RNF185: variants seen among roughly 807,000 people sequenced by gnomAD.
RNF185 encodes the protein E3 ubiquitin-protein ligase RNF185.
In RNF185, 13 loss-of-function variants were observed where a neutral mutation model predicts 24.9. The ratio of observed to expected loss-of-function variants is 0.52; its 90% confidence interval spans 0.34 to 0.83. The LOEUF (loss-of-function observed/expected upper bound fraction) is 0.83. RNF185 is among the 40% of genes least tolerant of loss of function. The pLI is 0.01. For synonymous variants in RNF185, 79 were observed against 90.3 expected, an observed-to-expected ratio of 0.88 and a Z score of 0.71; for missense variants, 184 against 244.7, an observed-to-expected ratio of 0.75 and a Z score of 1.65.
chr22:31,194,699 G>A (rs2048188135), intron 3 of RNF185, among the ~76,000 whole-genome samples: 1 of 152,056 alleles, frequency 6.6e-6, no homozygotes, highest in Admixed American at 6.6e-5. Context: ...CTACACTCCA[G>A]CCTGGGTGAC....
At chr22:31,171,262 T>A (rs191546857) in intron 1 of RNF185, among the ~76,000 whole-genome samples, 2,528 of 151,962 alleles carry the variant, frequency 0.017, 63 homozygotes, top group African/African-American at 0.057. Flanking sequence ...CTCCGCCTCC[T>A]TGGGTCAAGT....
intron 5 of RNF185, among the ~76,000 whole-genome samples, chr22:31,198,704 CTTTTTTT>C (rs1196076379): frequency 1.4e-3 from 99 of 69,672 alleles, no homozygotes; most frequent in African/African-American, 3.6e-3. Flanking sequence ...CTGCCACTTT[CTTTTTTT>C]TTTTTTTTTT....
chr22:31,180,723 T>C (rs1363047343), intron 1 of RNF185, among the ~76,000 whole-genome samples: 1 of 152,158 alleles, frequency 6.6e-6, no homozygotes, highest in African/African-American at 2.4e-5. Flanking sequence ...TATTCATTAT[T>C]GTAACATATG....
chr22:31,160,540 T>C (rs2147910756), intron 1 of RNF185, among the ~76,000 whole-genome samples: 1 of 152,236 alleles, frequency 6.6e-6, no homozygotes, highest in Non-Finnish European at 1.5e-5. Flanking sequence ...TCCCACAAGC[T>C]CTCCTTTCGA....
intron 1 of RNF185, among the ~76,000 whole-genome samples, chr22:31,173,786 C>T (rs946487867): frequency 6.6e-6 from 1 of 152,110 alleles, no homozygotes; most frequent in Non-Finnish European, 1.5e-5. Flanking sequence ...ACAAGTGTCC[C>T]CTAATTTTAA....
chr22:31,180,414 G>A (rs974898118), intron 1 of RNF185, among the ~76,000 whole-genome samples: 3 of 150,664 alleles, frequency 2.0e-5, no homozygotes, highest in Non-Finnish European at 3.0e-5. Context: ...GCAGTGAGCC[G>A]AGATCACACC....
At chr22:31,193,070 T>C (rs4820042) in intron 3 of RNF185, among the ~76,000 whole-genome samples, 120,566 of 152,210 alleles carry the variant, frequency 0.79, 48,693 homozygotes, top group African/African-American at 0.95. Flanking sequence ...AAGGGGAAAA[T>C]TTTTTTGGTG....
In RNF185 at chr22:31,195,532, A is replaced by G. The variant is rs1341063179; in HGVS notation, c.259A>G (p.Lys87Glu). The change falls in exon 4 of 7, where the codon AAG (lysine) becomes GAG (glutamate). Residue 87 changes from lysine to glutamate, a missense_variant. Transcript: ENST00000326132. ...PVCKAGISRD[K>E]VIPLYGRGST... ...TTGCAAAGCTGGCATCAGCCGAGAC[A>G]AGGTCATCCCCCTCTATGGAAGGGG... is the stretch of plus-strand genomic sequence containing the variant. 2 of 1,611,710 alleles carry G rather than the reference A, an allele frequency of 1.2e-6. No homozygotes were observed. The highest frequency in any genetic ancestry group is 4.5e-5 in the East Asian group (2 of 44,774).
intron 2 of RNF185, among the ~76,000 whole-genome samples, chr22:31,189,751 G>GCCCACCACCA (rs1555882608): frequency 6.6e-6 from 1 of 151,366 alleles, no homozygotes; most frequent in South Asian, 2.1e-4. Context: ...GATTACAGGT[G>GCCCACCACCA]CACCCAGCTA....
chr22:31,183,482 A>G (rs1425877048), intron 1 of RNF185, among the ~76,000 whole-genome samples: 2 of 152,004 alleles, frequency 1.3e-5, no homozygotes, highest in African/African-American at 4.8e-5. Flanking sequence ...AGGTCAGCAG[A>G]TAAACATGTG....
intron 5 of RNF185, among the ~76,000 whole-genome samples, chr22:31,197,485 A>C (rs1314047880): frequency 1.3e-5 from 2 of 152,164 alleles, no homozygotes; most frequent in Non-Finnish European, 2.9e-5. Context: ...TTTGTTAGAC[A>C]TTAGCGGCTT....
intron 3 of RNF185, among the ~76,000 whole-genome samples, chr22:31,195,075 C>T (rs988997067): frequency 3.9e-5 from 6 of 152,058 alleles, no homozygotes; most frequent in Non-Finnish European, 7.4e-5. Context: ...CCCTCAGCCT[C>T]CCGAGTAGCT....
chr22:31,182,303 T>A (rs1602817435), intron 1 of RNF185, among the ~76,000 whole-genome samples: 1 of 151,894 alleles, frequency 6.6e-6, no homozygotes, highest in Non-Finnish European at 1.5e-5. Context: ...TTATTTATTT[T>A]TTTTGAGACA....
intron 1 of RNF185, among the ~76,000 whole-genome samples, chr22:31,184,788 G>A (rs1037919145): frequency 6.6e-6 from 1 of 151,984 alleles, no homozygotes; most frequent in Non-Finnish European, 1.5e-5. Flanking sequence ...GGCGGCGCGC[G>A]CCTGCAATCC....
At chr22:31,180,339 C>T (rs2048022181) in intron 1 of RNF185, among the ~76,000 whole-genome samples, 1 of 151,962 alleles carries the variant, frequency 6.6e-6, no homozygotes, top group Non-Finnish European at 1.5e-5. Context: ...TGGTGGGCAC[C>T]TATAAGCCCA....
At chr22:31,171,461 G>A (rs1327101101) in intron 1 of RNF185, among the ~76,000 whole-genome samples, 2 of 151,906 alleles carry the variant, frequency 1.3e-5, no homozygotes, top group Non-Finnish European at 2.9e-5. Context: ...GATTACAGGC[G>A]TGAGCTACTG....
At chr22:31,173,278 T>C (rs1165677111) in intron 1 of RNF185, among the ~76,000 whole-genome samples, 1 of 151,892 alleles carries the variant, frequency 6.6e-6, no homozygotes, top group Non-Finnish European at 1.5e-5. Context: ...CTCTAAGTTA[T>C]GTAACATTTC....
Position 31,204,560 on chromosome 22 carries a change from A to T in RNF185, c.553A>T (p.Ile185Phe). 3 of 1,599,702 alleles carry T rather than the reference A, an allele frequency of 1.9e-6. No individual in the cohort carries two copies. The highest frequency in any genetic ancestry group is 2.6e-6 in the Non-Finnish European group (3 of 1,167,320). The change falls in exon 7 of 7, where the codon ATC becomes TTC. Residue 185 changes from isoleucine to phenylalanine, a missense_variant. Coordinates refer to ENST00000326132, the MANE Select transcript of RNF185 (RefSeq NM_152267.4). ...CCTCTTCCTATTTGTGGCCCTGGTGATCATGTTCTGGCTCCTGATTGCCTA... is the reference window on the plus strand; with the variant it reads ...CCTCTTCCTATTTGTGGCCCTGGTGTTCATGTTCTGGCTCCTGATTGCCTA... ...SRLFLFVALV[I>F]MFWLLIA
intron 1 of RNF185, among the ~76,000 whole-genome samples, chr22:31,186,195 A>G (rs574542992): frequency 5.9e-5 from 9 of 152,340 alleles, no homozygotes; most frequent in Non-Finnish European, 8.8e-5. Flanking sequence ...TAGTATTCCA[A>G]TGTGGCAGAA....
Sources: gnomAD v4.1 joint callset for allele counts (sites outside exome capture counted in the v4.1 genomes callset) on GRCh38, gnomAD v4.1.1 for gene constraint, MANE v1.5 for transcripts, NCBI Gene and HGNC (gene_info 2026-07-23, HGNC 2026-07-21) for gene names.